MED16: variants seen among roughly 807,000 people sequenced by gnomAD.
MED16 encodes the protein mediator of RNA polymerase II transcription subunit 16.
In MED16, 81 loss-of-function variants were observed where a neutral mutation model predicts 84.4. The ratio of observed to expected loss-of-function variants is 0.96; its 90% CI spans 0.80 to 1.15. The LOEUF (loss-of-function observed/expected upper bound fraction) is 1.15, where lower values mean the gene tolerates loss of function less well. MED16 is among the 50% of genes most tolerant of loss of function. The pLI, the probability that MED16 is intolerant of heterozygous loss-of-function variation, is 0.00. For missense variants in MED16, 1,585 were observed against 1,245.9 expected (o/e 1.27, Z -4.10); for synonymous variants, 897 against 552.2 (o/e 1.62, Z -8.76).
Position 874,527 on chromosome 19 carries a change from C to A in MED16, c.1771+717G>T, listed in dbSNP as rs562468456. Among the ~76,000 whole-genome samples, 3 of 152,200 alleles carry A rather than the reference C, an allele frequency of 2.0e-5. No homozygotes were observed. The South Asian group carries it at 6.2e-4, about 32-fold the overall frequency. ...GTGCTGGGTGAGCCTGGGCAAGCTG[C>A]TTAGCCTTTCTGCCTCAGTCCCCTT... On this transcript the variant is annotated intron_variant, in intron 10 of 15. Coordinates refer to ENST00000325464, the MANE Select transcript of MED16 (RefSeq NM_005481.3).
chr19:872,879 G>C (rs2036116756), intron 11 of MED16: 4 of 848,646 alleles, frequency 4.7e-6, no homozygotes, highest in Non-Finnish European at 5.8e-6. Flanking sequence ...TTGAGAATGG[G>C]CAGGAAGGGT....
At chr19:871,369 T>TC (rs2145192362) in intron 12 of MED16, 116 bp from the exon 13 acceptor site, 1 of 1,330,442 alleles carries the variant, frequency 7.5e-7, no homozygotes. Context: ...CCCAGCTCTG[T>TC]CTGCCTGGCT....
intron 8 of MED16, among the ~76,000 whole-genome samples, chr19:877,402 C>A (rs916975252): frequency 6.6e-6 from 1 of 152,168 alleles, no homozygotes; most frequent in African/African-American, 2.4e-5. Flanking sequence ...TGAGCCCCGA[C>A]TGCACTGGAT....
Position 877,196 on chromosome 19 carries a change from C to G in MED16, c.1354-16G>C, listed in dbSNP as rs200088634. On this transcript the variant is annotated splice_polypyrimidine_tract_variant and intron_variant, in intron 8 of 15. Coordinates refer to ENST00000325464, the MANE Select transcript of MED16 (RefSeq NM_005481.3). ...GCACGCTCAGCTGCCAGAGACAGAG[C>G]CCAAGGAGAGCCCGGTGAGATGGGG... is the stretch of plus-strand genomic sequence containing the variant. 86 of 1,599,264 alleles carry G rather than the reference C, an allele frequency of 5.4e-5. No individual in the cohort carries two copies. The African/African-American group carries it at 1.0e-3, about 19-fold the overall frequency.
intron 9 of MED16, among the ~76,000 whole-genome samples, chr19:875,670 C>T (rs561488101): frequency 3.2e-4 from 49 of 152,278 alleles, no homozygotes; most frequent in African/African-American, 9.9e-4. Context: ...AGCGGCTCTG[C>T]CTCTGGTGGG....
At chr19:882,079 C>G (rs1268197247) in intron 6 of MED16, among the ~76,000 whole-genome samples, 1 of 152,254 alleles carries the variant, frequency 6.6e-6, no homozygotes, top group African/African-American at 2.4e-5. Context: ...GATTCCCATC[C>G]CTCCTCATCT....
Position 885,831 on chromosome 19 carries a change from C to T in MED16, c.818G>A (p.Arg273His), listed in dbSNP as rs201973018. Residue 273 changes from arginine (R) to histidine (H), a missense_variant, in exon 5 of 16, where the codon CGC becomes CAC. Arg to His is a conservative substitution (Grantham distance 29). Transcript: ENST00000325464. The stretch of plus-strand genomic sequence containing the variant: ...GGTGATGGCGGGAAACTTGTCCTTG[C>T]GGTTGAGGTCGGTGGTGCAGCGCAT... The part of the protein sequence containing the change: ...LFMRCTTDLN[R>H]KDKFPAITHL... The T allele has an allele frequency of 1.1e-5, 18 of 1,613,410 alleles. No individual in the cohort carries two copies. The highest frequency in any genetic ancestry group is 3.3e-5 in the Admixed American group (2 of 59,996).
At chr19:875,972 A>G (rs2036219958) in intron 9 of MED16, among the ~76,000 whole-genome samples, 1 of 152,192 alleles carries the variant, frequency 6.6e-6, no homozygotes, top group Non-Finnish European at 1.5e-5. Flanking sequence ...ACTAAAAACA[A>G]AAATGAAACG....
chr19:879,327 C>T, intron 8 of MED16, among the ~76,000 whole-genome samples: 1 of 152,192 alleles, frequency 6.6e-6, no homozygotes, highest in East Asian at 1.9e-4. Flanking sequence ...CCCAGCCCCA[C>T]GTGCCCCAGC....
At chr19:878,692 ACGT>A (rs1379120307) in intron 8 of MED16, among the ~76,000 whole-genome samples, 3 of 72,878 alleles carry the variant, frequency 4.1e-5, no homozygotes, top group Non-Finnish European at 5.3e-5. Context: ...CCCCAACCCC[ACGT>A]GCCCCAGCAG....
chr19:870,983 A>G, intron 13 of MED16, 54 bp downstream of exon 13: 1 of 1,454,762 alleles, frequency 6.9e-7, no homozygotes, highest in South Asian at 1.3e-5. Flanking sequence ...GTCCCGGGGC[A>G]GGACACGGAG....
chr19:885,286 C>G (rs1460111286), intron 5 of MED16, among the ~76,000 whole-genome samples: 1 of 152,180 alleles, frequency 6.6e-6, no homozygotes, highest in Non-Finnish European at 1.5e-5. Context: ...TGGGGCGTTA[C>G]TGATTCCTAA....
chr19:891,520 C>T (rs1369872580), intron 1 of MED16, among the ~76,000 whole-genome samples: 2 of 152,096 alleles, frequency 1.3e-5, no homozygotes, highest in African/African-American at 2.4e-5. Flanking sequence ...CAAGTGGACA[C>T]TAGCTCTCTC....
chr19:891,080 C>T lies in MED16; in HGVS notation c.52G>A (p.Val18Ile), dbSNP rs143762645. The change falls in exon 2 of 16, where the codon GTC becomes ATC. Residue 18 changes from valine (V) to isoleucine (I), a missense_variant. Transcript: ENST00000325464. ...AAGGMMDLAY[V>I]CEWEKWSKST... ...TTGGACCATTTCTCCCACTCACAGACGTAGGCCAAGTCCATCATCCCACCT... is the reference window on the plus strand; with the variant it reads ...TTGGACCATTTCTCCCACTCACAGATGTAGGCCAAGTCCATCATCCCACCT... 1.9e-4 allele frequency: 307 copies of T among 1,613,938 alleles called. 1 individual carries two copies. The highest frequency in any genetic ancestry group is 3.0e-4 in the Admixed American group (18 of 59,986).
Position 880,038 on chromosome 19 carries a change from C to T in MED16, c.1252G>A (p.Ala418Thr). The T allele has an allele frequency of 6.2e-7, 1 of 1,610,908 alleles. No homozygotes were observed. Among genetic ancestry groups the T allele is most frequent in the Non-Finnish European group, 8.5e-7 (1 of 1,179,140 alleles). The change falls in exon 8 of 16, where the codon GCC becomes ACC. Residue 418 changes from alanine (A) to threonine (T), a missense_variant. Transcript: ENST00000325464. ...SAAPRPVDEPAMKRPRTAGPA... is the reference protein window; with the variant it reads ...SAAPRPVDEPTMKRPRTAGPA... ...CCCGCGGTGCGGGGGCGCTTCATGG[C>T]CGGCTCATCCACAGGCCTCGGGGCC...
At chr19:891,673 G>A (rs1202206635) in intron 1 of MED16, among the ~76,000 whole-genome samples, 7 of 136,578 alleles carry the variant, frequency 5.1e-5, no homozygotes, top group East Asian at 2.3e-4. Flanking sequence ...TGAGTGTGAC[G>A]GGGAACACCT....
chr19:884,921 G>C lies in MED16; in HGVS notation c.967C>G (p.Gln323Glu). Residue 323 changes from glutamine to glutamate, a missense_variant, in exon 6 of 16, where the codon CAG (glutamine) becomes GAG (glutamate). Physicochemically the swap from Gln to Glu is conservative, Grantham distance 29 (BLOSUM62 2). Coordinates refer to ENST00000325464, the MANE Select transcript of MED16 (RefSeq NM_005481.3). ...KEGLPVNNIF[Q>E]QISPVVGDKQ... ...GACTCACCCACGGGGGAGATCTGCTGGAAGATGTTGTTCACGGGGAGTCCC... is the reference window on the plus strand; with the variant it reads ...GACTCACCCACGGGGGAGATCTGCTCGAAGATGTTGTTCACGGGGAGTCCC... 4 of 1,608,980 alleles carry C rather than the reference G, an allele frequency of 2.5e-6. No individual in the cohort carries two copies. Among genetic ancestry groups the C allele is most frequent in the Non-Finnish European group, 3.4e-6 (4 of 1,179,076 alleles).
Position 881,698 on chromosome 19 carries a change from G to T in MED16, c.1002C>A (p.Pro334=), listed in dbSNP as rs1277634821. Residue 334 remains proline (P), a synonymous_variant, in exon 7 of 16, where the codon CCC becomes CCA. Coordinates refer to ENST00000325464, the MANE Select transcript of MED16 (RefSeq NM_005481.3). The part of the protein sequence containing the change: ...QISPVVGDKQ[P]TILKWRILSA... ...ATAGGATCCGCCATTTGAGAATTGTGGGCTGTTTGTCGCCAACTGAAAAAT... is the reference window on the plus strand; with the variant it reads ...ATAGGATCCGCCATTTGAGAATTGTTGGCTGTTTGTCGCCAACTGAAAAAT... The T allele has an allele frequency of 6.2e-7, 1 of 1,610,544 alleles. No homozygotes were observed. Among genetic ancestry groups the T allele is most frequent in the Non-Finnish European group, 8.5e-7 (1 of 1,178,134 alleles).
At chr19:887,090 A>C (rs779456489) in intron 4 of MED16, among the ~76,000 whole-genome samples, 19 of 151,832 alleles carry the variant, frequency 1.3e-4, no homozygotes, top group Non-Finnish European at 2.1e-4. Flanking sequence ...AAAAACAAAA[A>C]AAAAAAGAAC....
Sources: allele counts gnomAD v4.1 joint callset (sites outside exome capture counted in the v4.1 genomes callset), GRCh38; gene constraint gnomAD v4.1.1; transcripts MANE v1.5; gene names NCBI Gene and HGNC (gene_info 2026-07-23, HGNC 2026-07-21).